GDPD4: variants seen among roughly 807,000 people sequenced by gnomAD.
GDPD4 encodes glycerophosphodiester phosphodiesterase domain containing 4.
In GDPD4, 60 loss-of-function variants were observed where a neutral mutation model predicts 67.8. The observed-to-expected ratio is 0.88, with a 90% CI of 0.72 to 1.10. GDPD4 has a LOEUF of 1.10. Among genes scored for constraint, GDPD4 ranks in the 50% least tolerant of loss-of-function variants. The probability of loss-of-function intolerance (pLI) is 0.00; values close to 1 mark genes in which losing one functional copy is unlikely to be tolerated. For synonymous variants in GDPD4, 212 were observed against 210.9 expected (o/e 1.00, Z -0.04); for missense variants, 623 against 613.9 (o/e 1.01, Z -0.16).
chr11:77,225,181 T>C (rs1281416516), intron 16 of GDPD4, among the ~76,000 whole-genome samples: 1 of 151,652 alleles, frequency 6.6e-6, no homozygotes, highest in African/African-American at 2.4e-5. Context: ...TTAAATATTT[T>C]AAATGACTAC....
At chr11:77,235,009 G>GTGTTTTTTTTTTTTTTTTT (rs1413310722) in intron 13 of GDPD4, among the ~76,000 whole-genome samples, 1 of 52,254 alleles carries the variant, frequency 1.9e-5, no homozygotes, top group Non-Finnish European at 3.7e-5. Flanking sequence ...GTCAATATCT[G>GTGTTTTTTTTTTTTTTTTT]TTTTTTTTTT....
intron 1 of GDPD4, among the ~76,000 whole-genome samples, chr11:77,293,014 GA>G (rs1374619661): frequency 6.6e-6 from 1 of 150,994 alleles, no homozygotes; most frequent in African/African-American, 2.4e-5. Flanking sequence ...TCAAGAAAAA[GA>G]AAAAAAACAA....
rs536250903 is a variant in GDPD4, at chr11:77,239,720, G to T, written c.1241+3974C>A. 1.6e-3 allele frequency among the ~76,000 whole-genome samples: 246 copies of T among 152,264 alleles called. 1 individual carries two copies. Among genetic ancestry groups the T allele is most frequent in the Non-Finnish European group, 3.0e-3 (202 of 68,008 alleles). On this transcript the variant is annotated intron_variant, in intron 13 of 16. Transcript: ENST00000315938. ...CACACCTTATAATCCCAGCACTTTG[G>T]GGGGCTGAGGCGGGTGGATCACCTG...
At chr11:77,262,385 T>C (rs1959136220) in intron 10 of GDPD4, among the ~76,000 whole-genome samples, 2 of 152,178 alleles carry the variant, frequency 1.3e-5, no homozygotes, top group Non-Finnish European at 2.9e-5. Flanking sequence ...GATAAGGGGG[T>C]ACTGAAGCCA....
chr11:77,280,012 T>C (rs1348652378), intron 3 of GDPD4, among the ~76,000 whole-genome samples: 4 of 152,192 alleles, frequency 2.6e-5, no homozygotes, highest in Non-Finnish European at 5.9e-5. Flanking sequence ...TTTTTAAGAA[T>C]TAAACTATAG....
At chr11:77,270,624 G>T (rs139529411) in intron 7 of GDPD4, among the ~76,000 whole-genome samples, 2 of 152,234 alleles carry the variant, frequency 1.3e-5, no homozygotes, top group East Asian at 3.9e-4. Flanking sequence ...CTGGAGAATC[G>T]CTTGAACCCA....
chr11:77,222,814 C>G (rs1382834870), intron 16 of GDPD4, among the ~76,000 whole-genome samples: 1 of 152,166 alleles, frequency 6.6e-6, no homozygotes, highest in Non-Finnish European at 1.5e-5. Flanking sequence ...TGGATAATAT[C>G]CTGAAGAGTG....
rs142758109 is a variant in GDPD4 at position 77,276,362 on chromosome 11, G to A, written c.148-142C>T. On this transcript the variant is annotated intron_variant, in intron 4 of 16. Transcript: ENST00000315938. ...TATACCTGTACTTTATTTAGCCTCT[G>A]GGAGTTTTCCATGTTGTTTGCCTGA... 1.5e-4 allele frequency: 103 copies of A among 687,308 alleles called. No individual in the cohort carries two copies. The African/African-American group carries it at 1.7e-3, about 11-fold the overall frequency. 42.6% of individuals were successfully genotyped at this position (687,308 alleles called of 1,614,324 possible).
At chr11:77,274,804 C>G (rs987761009) in intron 5 of GDPD4, among the ~76,000 whole-genome samples, 1 of 152,032 alleles carries the variant, frequency 6.6e-6, no homozygotes, top group Non-Finnish European at 1.5e-5. Context: ...CAACACTATG[C>G]CTGATGTTCT....
chr11:77,284,084 G>A (rs1959882107), intron 3 of GDPD4, among the ~76,000 whole-genome samples: 1 of 151,804 alleles, frequency 6.6e-6, no homozygotes, highest in Admixed American at 6.6e-5. Flanking sequence ...GCCACTTATG[G>A]GAATCTATTC....
chr11:77,271,677 T>C (rs1959229883), intron 5 of GDPD4, among the ~76,000 whole-genome samples: 1 of 152,242 alleles, frequency 6.6e-6, no homozygotes, highest in African/African-American at 2.4e-5. Flanking sequence ...CAGCCTCAGC[T>C]GGGTCCTCAA....
intron 16 of GDPD4, among the ~76,000 whole-genome samples, chr11:77,225,534 T>G (rs550881394): frequency 7.9e-5 from 12 of 152,186 alleles, no homozygotes; most frequent in Non-Finnish European, 1.6e-4. Context: ...CGCACGAAGT[T>G]AAGCCATAAT....
At position 77,287,962 on chromosome 11, in the gene GDPD4, T is replaced by G. The variant is rs568559438; in HGVS notation, c.-253-542A>C. Among the ~76,000 whole-genome samples the G allele has an allele frequency of 3.9e-5, 6 of 152,290 alleles. No homozygotes were observed. The South Asian group carries it at 1.2e-3, about 32-fold the overall frequency. ...AAATGTGACAAGTTTATTTTTCCTT[T>G]GCCAACAAAAAATATTTCAGAGATA... On this transcript the variant is annotated intron_variant, in intron 1 of 16. Transcript: ENST00000315938.
At chr11:77,235,099 G>A (rs1958535705) in intron 13 of GDPD4, among the ~76,000 whole-genome samples, 2 of 123,868 alleles carry the variant, frequency 1.6e-5, no homozygotes, top group Admixed American at 2.1e-4. Context: ...GTTTTGATTT[G>A]TATCTCTCTG....
At chr11:77,286,738 C>T (rs1427840015) in intron 2 of GDPD4, among the ~76,000 whole-genome samples, 1 of 152,230 alleles carries the variant, frequency 6.6e-6, no homozygotes, top group African/African-American at 2.4e-5. Context: ...CGTGCCACCA[C>T]TCAGCCTTAC....
intron 16 of GDPD4, among the ~76,000 whole-genome samples, chr11:77,218,279 T>G (rs948139019): frequency 6.6e-6 from 1 of 152,226 alleles, no homozygotes; most frequent in Non-Finnish European, 1.5e-5. Context: ...ATCATATGCC[T>G]TCCCTTGTGA....
intron 15 of GDPD4, among the ~76,000 whole-genome samples, chr11:77,228,870 A>G (rs17824184): frequency 0.19 from 29,338 of 152,102 alleles, 3,751 homozygotes; most frequent in Non-Finnish European, 0.28. Context: ...GTTCTGGACA[A>G]TATTCAAGCC....
intron 2 of GDPD4, among the ~76,000 whole-genome samples, chr11:77,286,653 C>T (rs1278905232): frequency 6.6e-6 from 1 of 152,178 alleles, no homozygotes; most frequent in Non-Finnish European, 1.5e-5. Context: ...ATCATTTAAT[C>T]ACTTATACCA....
intron 2 of GDPD4, 40 bp downstream of exon 2, chr11:77,287,178 C>T (rs892089301): frequency 6.6e-6 from 1 of 152,210 alleles, no homozygotes; most frequent in Admixed American, 6.5e-5. Context: ...ATGCTCCCCG[C>T]ATCTGAGAAA....
Sources: allele counts gnomAD v4.1 joint callset (sites outside exome capture counted in the v4.1 genomes callset), GRCh38; gene constraint gnomAD v4.1.1; transcripts MANE v1.5; gene names NCBI Gene and HGNC (gene_info 2026-07-23, HGNC 2026-07-21).